The following NTRK3 variants were observed in gnomAD, a reference collection of about 807,000 sequenced individuals.
NTRK3 encodes neurotrophic receptor tyrosine kinase 3.
Under a neutral mutation model 91.7 loss-of-function variants are expected in NTRK3, and 24 were observed. That is an observed-to-expected ratio of 0.26 (90% CI 0.19 to 0.37). The LOEUF is 0.37. Among genes scored for constraint, NTRK3 ranks in the 10% least tolerant of loss-of-function variants. The pLI is 1.00. For missense variants in NTRK3, 880 were observed against 1,068.9 expected, an observed-to-expected ratio of 0.82 and a Z score of 2.46; for synonymous variants, 483 against 404.0, an observed-to-expected ratio of 1.20 and a Z score of -2.34.
chr15:87,913,869 G>T (rs936528566), intron 17 of NTRK3, among the ~76,000 whole-genome samples: 7 of 152,198 alleles, frequency 4.6e-5, no homozygotes, highest in Non-Finnish European at 1.0e-4. Flanking sequence ...ATTGTGCCCT[G>T]ATTGATACAG....
At chr15:87,960,544 G>A (rs985324386) in intron 14 of NTRK3, among the ~76,000 whole-genome samples, 23 of 151,904 alleles carry the variant, frequency 1.5e-4, no homozygotes, top group Middle Eastern at 3.4e-3. Context: ...GAGTGCAGTG[G>A]TGCCATCTCG....
intron 14 of NTRK3, among the ~76,000 whole-genome samples, chr15:87,971,059 T>C (rs2073217282): frequency 6.6e-6 from 1 of 152,220 alleles, no homozygotes. Context: ...TCTCCTGTTA[T>C]GGTAGCAAGA....
At chr15:88,016,956 TA>T (rs67163869) in intron 14 of NTRK3, among the ~76,000 whole-genome samples, 29,341 of 84,418 alleles carry the variant, frequency 0.35, 3,301 homozygotes, top group African/African-American at 0.41. Context: ...AGACGAAGCT[TA>T]AAAAAAAAAA....
At chr15:88,170,607 A>G (rs1338060292) in intron 5 of NTRK3, among the ~76,000 whole-genome samples, 1 of 152,230 alleles carries the variant, frequency 6.6e-6, no homozygotes, top group Non-Finnish European at 1.5e-5. Context: ...CCTGTGCACC[A>G]TCTAAAGAGA....
intron 17 of NTRK3, 133 bp from the exon 18 acceptor site, chr15:87,885,868 C>G: frequency 2.5e-6 from 1 of 394,874 alleles, no homozygotes; most frequent in Non-Finnish European, 4.4e-6. Context: ...TTTAGAGATA[C>G]AACTTACAAA....
intron 14 of NTRK3, among the ~76,000 whole-genome samples, chr15:88,025,650 A>G (rs1338154710): frequency 1.3e-5 from 2 of 152,200 alleles, no homozygotes; most frequent in African/African-American, 4.8e-5. Flanking sequence ...ATTCCCTTAT[A>G]GGTTTCAGAG....
chr15:88,230,260 T>C (rs1285705218), intron 3 of NTRK3, among the ~76,000 whole-genome samples: 6 of 152,272 alleles, frequency 3.9e-5, no homozygotes, highest in Non-Finnish European at 8.8e-5. Flanking sequence ...GTCATCATCA[T>C]CACCATTATA....
chr15:88,168,599 G>C (rs1206844472), intron 5 of NTRK3, among the ~76,000 whole-genome samples: 1 of 152,262 alleles, frequency 6.6e-6, no homozygotes, highest in Non-Finnish European at 1.5e-5. Context: ...AGGTTTCTGA[G>C]CTGCAAATGG....
At chr15:87,949,623 C>A (rs894725905) in intron 14 of NTRK3, among the ~76,000 whole-genome samples, 3 of 152,146 alleles carry the variant, frequency 2.0e-5, no homozygotes. Flanking sequence ...TGTCCCTGCT[C>A]CCCAGTGCTA....
intron 3 of NTRK3, among the ~76,000 whole-genome samples, chr15:88,232,997 C>T (rs2051343852): frequency 6.6e-6 from 1 of 152,162 alleles, no homozygotes; most frequent in Non-Finnish European, 1.5e-5. Context: ...AGACCCTCCC[C>T]CCAGCCCAGA....
chr15:87,977,627 C>T (rs2141327678), intron 14 of NTRK3: 1 of 232,058 alleles, frequency 4.3e-6, no homozygotes, highest in Non-Finnish European at 8.5e-6. Flanking sequence ...CAATGGGGAA[C>T]AGCCTGACAT....
chr15:88,068,143 G>C (rs2046814341), intron 13 of NTRK3, among the ~76,000 whole-genome samples: 2 of 152,128 alleles, frequency 1.3e-5, no homozygotes, highest in South Asian at 4.1e-4. Flanking sequence ...ACACTATTAA[G>C]GTTTATGGCC....
chr15:87,900,728 T>TGC (rs2066401009), intron 17 of NTRK3, among the ~76,000 whole-genome samples: 1 of 151,274 alleles, frequency 6.6e-6, no homozygotes, highest in Non-Finnish European at 1.5e-5. Context: ...TGTGTGTGTG[T>TGC]GTGCTGTAGG....
intron 14 of NTRK3, among the ~76,000 whole-genome samples, chr15:87,982,903 C>T (rs891904028): frequency 6.6e-6 from 1 of 152,074 alleles, no homozygotes; most frequent in South Asian, 2.1e-4. Flanking sequence ...ACCAGCCCAG[C>T]ACCTTCCAGG....
At chr15:87,997,767 A>G (rs1023991453) in intron 14 of NTRK3, among the ~76,000 whole-genome samples, 2 of 152,204 alleles carry the variant, frequency 1.3e-5, no homozygotes, top group Admixed American at 6.5e-5. Context: ...GAGATGTGCC[A>G]TAGGCACTTA....
intron 14 of NTRK3, chr15:87,979,472 A>T: frequency 1.3e-6 from 2 of 1,586,860 alleles, no homozygotes; most frequent in Non-Finnish European, 1.7e-6. Flanking sequence ...ACCTATAAAA[A>T]ACAAAAAGAA....
At chr15:88,074,806 G>A (rs965313) in intron 13 of NTRK3, among the ~76,000 whole-genome samples, 11,277 of 152,196 alleles carry the variant, frequency 0.074, 596 homozygotes, top group African/African-American at 0.14. Flanking sequence ...AGAAAGCAAC[G>A]CCGGTCCTTA....
chr15:88,256,396 G>A (rs948864621), exon 2 of NTRK3: 11 of 601,956 alleles, frequency 1.8e-5, no homozygotes, highest in Admixed American at 6.0e-5. Flanking sequence ...GCCTAGTGGC[G>A]CGGTCTGCCG....
intron 3 of NTRK3, 73 bp from the exon 4 acceptor site, chr15:88,184,372 C>G: frequency 2.8e-6 from 4 of 1,432,648 alleles, no homozygotes; most frequent in Non-Finnish European, 3.9e-6. Context: ...GCCACAGAGA[C>G]CTGGCTTTGA....
Sources: allele counts gnomAD v4.1 joint callset (sites outside exome capture counted in the v4.1 genomes callset), GRCh38; gene constraint gnomAD v4.1.1; transcripts MANE v1.5; gene names NCBI Gene and HGNC (gene_info 2026-07-23, HGNC 2026-07-21).